INPP4B: variants seen among roughly 807,000 people sequenced by gnomAD.
INPP4B encodes inositol polyphosphate-4-phosphatase type II B.
INPP4B carries 55 observed loss-of-function variants against 122.5 expected under a neutral mutation model. That is an observed-to-expected ratio of 0.45 (90% confidence interval 0.36 to 0.56). The LOEUF is 0.56. INPP4B is among the 20% of genes least tolerant of loss of function. The pLI is 0.00. For synonymous variants in INPP4B, 403 were observed against 388.7 expected (o/e 1.04, Z -0.43); for missense variants, 1,000 against 1,097.7 (o/e 0.91, Z 1.26).
intron 1 of INPP4B, among the ~76,000 whole-genome samples, chr4:142,757,810 A>G (rs1454119856): frequency 6.6e-6 from 1 of 152,172 alleles, no homozygotes; most frequent in East Asian, 1.9e-4. Flanking sequence ...GTAAGAATAT[A>G]TTTGGCTTTG....
In INPP4B at chr4:142,193,206, A is replaced by G; in HGVS notation, c.1073-11T>C. On this transcript the variant is annotated splice_polypyrimidine_tract_variant and intron_variant, in intron 14 of 25. Transcript: ENST00000262992. ...CATCGTAGAGAGCATCTGGAGTAGA[A>G]ACAGACAAGGAGATGAACACTTTGC... The G allele has an allele frequency of 2.6e-6, 4 of 1,531,134 alleles. No homozygotes were observed. The highest frequency in any genetic ancestry group is 3.6e-6 in the Non-Finnish European group (4 of 1,105,278). The allele number at this position is 1,531,134 out of a possible 1,614,324, so 94.8% of individuals were successfully genotyped here.
intron 2 of INPP4B, among the ~76,000 whole-genome samples, chr4:142,525,795 A>T (rs1200382180): frequency 6.8e-6 from 1 of 146,212 alleles, no homozygotes; most frequent in Non-Finnish European, 1.5e-5. Context: ...CCTAGAAGAA[A>T]ACCTAGGCAA....
Position 142,284,698 on chromosome 4 carries a change from G to C in INPP4B, c.504-13924C>G, listed in dbSNP as rs539107266. 1.1e-4 allele frequency among the ~76,000 whole-genome samples: 16 copies of C among 152,080 alleles called. No homozygotes were observed. In the South Asian group the frequency reaches 3.3e-3, roughly 32 times the overall value. The stretch of plus-strand genomic sequence containing the variant: ...GAAAGTGGGAGAGTGAATGAATCAG[G>C]GGAGCATAGTGGGTACAGTATTAGC... On this transcript the variant is annotated intron_variant, in intron 9 of 25. Coordinates refer to ENST00000262992, the MANE Select transcript of INPP4B (RefSeq NM_001101669.3).
chr4:142,736,606 T>G (rs1178533422), intron 1 of INPP4B, among the ~76,000 whole-genome samples: 15 of 152,304 alleles, frequency 9.8e-5, no homozygotes, highest in Non-Finnish European at 1.5e-5. Flanking sequence ...GTTTGTCTGT[T>G]ATTGGTATAT....
chr4:142,820,345 G>T (rs972309629), intron 1 of INPP4B, among the ~76,000 whole-genome samples: 4 of 152,032 alleles, frequency 2.6e-5, no homozygotes, highest in African/African-American at 9.7e-5. Context: ...GTTAAAAAGA[G>T]CCTGGCACCT....
chr4:142,315,464 T>A (rs990491414), intron 7 of INPP4B, among the ~76,000 whole-genome samples: 2 of 152,032 alleles, frequency 1.3e-5, no homozygotes, highest in Admixed American at 6.6e-5. Flanking sequence ...ACTCCTTATA[T>A]AATCAAGAGA....
At chr4:142,732,569 A>G (rs991060030) in intron 1 of INPP4B, among the ~76,000 whole-genome samples, 2 of 152,110 alleles carry the variant, frequency 1.3e-5, no homozygotes, top group Non-Finnish European at 2.9e-5. Flanking sequence ...AAAAATAAGA[A>G]TTATAACATT....
intron 2 of INPP4B, among the ~76,000 whole-genome samples, chr4:142,643,343 A>G (rs1750972716): frequency 6.6e-6 from 1 of 152,234 alleles, no homozygotes; most frequent in African/African-American, 2.4e-5. Flanking sequence ...AGATAAAAAC[A>G]GAAAGTGCTG....
At chr4:142,311,585 C>T (rs1765530869) in intron 8 of INPP4B, among the ~76,000 whole-genome samples, 1 of 152,144 alleles carries the variant, frequency 6.6e-6, no homozygotes, top group African/African-American at 2.4e-5. Flanking sequence ...ACTTTGCTCT[C>T]ATGGAGTACA....
chr4:142,378,190 A>G (rs568651034), intron 7 of INPP4B, among the ~76,000 whole-genome samples: 60 of 152,254 alleles, frequency 3.9e-4, no homozygotes, highest in Non-Finnish European at 6.6e-4. Flanking sequence ...AACTTGTCCA[A>G]AGTCACATAG....
chr4:142,223,746 G>A (rs925410434), intron 12 of INPP4B, among the ~76,000 whole-genome samples: 6 of 152,100 alleles, frequency 3.9e-5, no homozygotes, highest in African/African-American at 1.4e-4. Context: ...TATTCTAATT[G>A]TGCATCAACA....
intron 18 of INPP4B, among the ~76,000 whole-genome samples, chr4:142,125,934 T>A (rs1511246): frequency 0.98 from 149,918 of 152,262 alleles, 73,857 homozygotes; most frequent in Middle Eastern, 1. Flanking sequence ...ATAGACAAGT[T>A]TAAGTAAGTC....
rs1580159712 is a variant in INPP4B, at chr4:142,474,769, A to G, written c.-190-12043T>C. ...CCACCTGTTGTCTGGAGAAACATCC[A>G]GATGGCTGGATAAGTGACTCCACCT... On this transcript the variant is annotated intron_variant, in intron 2 of 25. Coordinates refer to ENST00000262992, the MANE Select transcript of INPP4B (RefSeq NM_001101669.3). Among the ~76,000 whole-genome samples the G allele has an allele frequency of 2.0e-5, 3 of 152,114 alleles. No individual in the cohort carries two copies. In the South Asian group the frequency reaches 6.2e-4, roughly 32 times the overall value.
intron 1 of INPP4B, among the ~76,000 whole-genome samples, chr4:142,811,545 G>T (rs914713668): frequency 2.0e-5 from 3 of 152,134 alleles, no homozygotes; most frequent in African/African-American, 7.2e-5. Flanking sequence ...CAGCTTCCCA[G>T]AAATAGTATA....
chr4:142,323,443 C>CTTTTTT (rs144904107), intron 7 of INPP4B, among the ~76,000 whole-genome samples: 5 of 120,042 alleles, frequency 4.2e-5, no homozygotes, highest in African/African-American at 9.3e-5. Context: ...GTTATGATGA[C>CTTTTTT]TTTTTTTTTT....
intron 2 of INPP4B, among the ~76,000 whole-genome samples, chr4:142,485,823 T>C (rs1321729661): frequency 6.6e-6 from 1 of 152,150 alleles, no homozygotes; most frequent in Non-Finnish European, 1.5e-5. Context: ...ACCTCCCACA[T>C]ACACCCATTA....
chr4:142,632,000 GT>G (rs1490985285), intron 2 of INPP4B, among the ~76,000 whole-genome samples: 1 of 152,122 alleles, frequency 6.6e-6, no homozygotes, highest in African/African-American at 2.4e-5. Context: ...CAGGGAAAGG[GT>G]ATATGTGCTC....
chr4:142,060,350 A>G (rs1759954446), intron 25 of INPP4B, among the ~76,000 whole-genome samples: 1 of 152,174 alleles, frequency 6.6e-6, no homozygotes, highest in African/African-American at 2.4e-5. Flanking sequence ...AAATGTATTC[A>G]TTTATATTTC....
At chr4:142,038,537 C>T (rs1745352296) in intron 25 of INPP4B, among the ~76,000 whole-genome samples, 1 of 152,120 alleles carries the variant, frequency 6.6e-6, no homozygotes, top group Admixed American at 6.6e-5. Context: ...GAGTTCTACC[C>T]ACATGTGTAC....
Sources: allele counts gnomAD v4.1 joint callset (sites outside exome capture counted in the v4.1 genomes callset), GRCh38; gene constraint gnomAD v4.1.1; transcripts MANE v1.5; gene names NCBI Gene and HGNC (gene_info 2026-07-23, HGNC 2026-07-21).